Variants in PRUNE2 observed in about 807,000 individuals in gnomAD.
PRUNE2 encodes the protein prune homolog 2 with BCH domain, also known as protein prune homolog 2.
In PRUNE2, 164 loss-of-function variants were observed where a neutral mutation model predicts 252.0. The observed-to-expected ratio is 0.65, with a 90% CI of 0.57 to 0.74. The LOEUF (loss-of-function observed/expected upper bound fraction) is 0.74, where lower values mean the gene tolerates loss of function less well. PRUNE2 is among the 30% of genes least tolerant of loss of function. PRUNE2 has a pLI of 0.00. For synonymous variants in PRUNE2, 1,292 were observed against 1,350.2 expected (o/e 0.96, Z 0.94); for missense variants, 3,495 against 3,711.0 (o/e 0.94, Z 1.51).
intron 6 of PRUNE2, among the ~76,000 whole-genome samples, chr9:76,730,875 C>G (rs2048502604): frequency 6.6e-6 from 1 of 152,162 alleles, no homozygotes; most frequent in Non-Finnish European, 1.5e-5. Context: ...TGCACTCCAG[C>G]CTGGCGACAG....
intron 1 of PRUNE2, among the ~76,000 whole-genome samples, chr9:76,871,726 TC>T (rs1309423912): frequency 6.6e-6 from 1 of 152,196 alleles, no homozygotes; most frequent in Non-Finnish European, 1.5e-5. Context: ...CCTCCTGGTT[TC>T]AAGTGATTCT....
chr9:76,841,158 A>G (rs993934245), intron 4 of PRUNE2, among the ~76,000 whole-genome samples: 7 of 152,244 alleles, frequency 4.6e-5, no homozygotes, highest in Admixed American at 2.0e-4. Context: ...CAGCCCAGCC[A>G]TGGAGGGTGA....
intron 9 of PRUNE2, among the ~76,000 whole-genome samples, chr9:76,669,388 C>T (rs538821419): frequency 6.6e-6 from 1 of 151,902 alleles, no homozygotes; most frequent in Non-Finnish European, 1.5e-5. Flanking sequence ...GGCGTGATCT[C>T]GGCTCACTGC....
At chr9:76,617,956 C>T (rs557682504) in intron 18 of PRUNE2, among the ~76,000 whole-genome samples, 48 of 152,266 alleles carry the variant, frequency 3.2e-4, no homozygotes, top group African/African-American at 1.0e-3. Context: ...AAAGAATTAT[C>T]GTGCACTGGG....
intron 9 of PRUNE2, 83 bp downstream of exon 9, chr9:76,703,254 A>G (rs1205690248): frequency 7.8e-7 from 1 of 1,278,348 alleles, no homozygotes; most frequent in African/African-American, 1.5e-5. Context: ...GGTATTCCTC[A>G]TATTCCATAA....
intron 9 of PRUNE2, among the ~76,000 whole-genome samples, chr9:76,686,915 T>C (rs558531720): frequency 5.9e-5 from 9 of 152,098 alleles, no homozygotes; most frequent in Non-Finnish European, 7.4e-5. Flanking sequence ...TTTTTGAAAA[T>C]TTTTTCATAG....
At chr9:76,621,002 G>A (rs561195313) in intron 17 of PRUNE2, among the ~76,000 whole-genome samples, 1 of 152,280 alleles carries the variant, frequency 6.6e-6, no homozygotes, top group East Asian at 1.9e-4. Context: ...GAAAAGATAA[G>A]GCAGGCTGAG....
intron 6 of PRUNE2, among the ~76,000 whole-genome samples, chr9:76,781,850 G>A (rs907119405): frequency 3.9e-5 from 6 of 152,168 alleles, no homozygotes; most frequent in Admixed American, 6.5e-5. Flanking sequence ...TAACCAACGT[G>A]TACAGCAAAA....
intron 6 of PRUNE2, chr9:76,736,421 G>A (rs1255027361): frequency 6.6e-6 from 1 of 152,238 alleles, no homozygotes; most frequent in Non-Finnish European, 1.5e-5. Context: ...TAAGAATGGT[G>A]TGTTAGTCCA....
intron 9 of PRUNE2, among the ~76,000 whole-genome samples, chr9:76,702,794 T>C (rs903144382): frequency 2.0e-5 from 3 of 152,172 alleles, no homozygotes; most frequent in Non-Finnish European, 4.4e-5. Context: ...AAAATGCCTC[T>C]GTATGCTAAG....
At chr9:76,783,952 T>C (rs556132324) in intron 6 of PRUNE2, 4 of 152,336 alleles carry the variant, frequency 2.6e-5, no homozygotes, top group African/African-American at 9.6e-5. Flanking sequence ...GTTCCTCTAC[T>C]CGTTTCTATC....
chr9:76,643,623 C>T (rs559325826), intron 12 of PRUNE2, among the ~76,000 whole-genome samples: 5 of 152,164 alleles, frequency 3.3e-5, no homozygotes, highest in Admixed American at 6.5e-5. Context: ...CAGCTCTCAG[C>T]GGGGCATATT....
intron 4 of PRUNE2, among the ~76,000 whole-genome samples, chr9:76,843,885 C>T (rs2059533913): frequency 6.6e-6 from 1 of 151,934 alleles, no homozygotes; most frequent in African/African-American, 2.4e-5. Context: ...TCCGCCACCA[C>T]ACCGGCTAAT....
Position 76,611,426 on chromosome 9 carries a change from A to G in PRUNE2, c.*3144T>C, listed in dbSNP as rs1827414301. The G allele has an allele frequency of 6.6e-6, 1 of 152,240 alleles. No individual in the cohort carries two copies. Among genetic ancestry groups the G allele is most frequent in the Non-Finnish European group, 1.5e-5 (1 of 68,044 alleles). 9.4% of individuals were successfully genotyped at this position (152,240 alleles called of 1,614,324 possible). A position where few individuals can be genotyped will look rare whatever the true frequency, so the allele number is the denominator to read the frequency against. ...TTATACAGTGAGGCTATATAGATATATTGTGTCATTAAAGACTTTTATATT... is the reference window on the plus strand; with the variant it reads ...TTATACAGTGAGGCTATATAGATATGTTGTGTCATTAAAGACTTTTATATT... On this transcript the variant is annotated 3_prime_UTR_variant, in exon 19 of 19. Coordinates refer to ENST00000376718, the MANE Select transcript of PRUNE2 (RefSeq NM_015225.3).
chr9:76,884,426 T>A (rs1338380289), intron 1 of PRUNE2, among the ~76,000 whole-genome samples: 1 of 152,214 alleles, frequency 6.6e-6, no homozygotes, highest in African/African-American at 2.4e-5. Context: ...ACCCCAAATA[T>A]GGATTGTATA....
chr9:76,854,199 T>G lies in PRUNE2; in HGVS notation c.46A>C (p.Lys16Gln). Residue 16 changes from lysine (K) to glutamine (Q), a missense_variant, in exon 2 of 19, where the codon AAA becomes CAA. Coordinates refer to ENST00000376718, the MANE Select transcript of PRUNE2 (RefSeq NM_015225.3). ...QRAKSKLNRS[K>Q]RLEKVHVVIG... ...ACCACATGGACCTTCTCCAAGCGTT[T>G]GCTTCGATTCTGAAACAAATTCAAA... is the stretch of plus-strand genomic sequence containing the variant. 6.3e-7 allele frequency: 1 copy of G among 1,585,146 alleles called. No individual in the cohort carries two copies. The highest frequency in any genetic ancestry group is 2.3e-5 in the East Asian group (1 of 44,410).
intron 1 of PRUNE2, among the ~76,000 whole-genome samples, chr9:76,868,167 A>G (rs954705099): frequency 6.6e-6 from 1 of 152,206 alleles, no homozygotes. Context: ...AAAAAACCTC[A>G]TATGACTCAG....
chr9:76,694,835 C>T (rs749818380), intron 9 of PRUNE2, among the ~76,000 whole-genome samples: 8 of 151,684 alleles, frequency 5.3e-5, no homozygotes, highest in Non-Finnish European at 8.8e-5. Flanking sequence ...AAAAAGGGCA[C>T]GTAGATGTCA....
chr9:76,770,603 T>C (rs917482893), intron 6 of PRUNE2, among the ~76,000 whole-genome samples: 2 of 152,178 alleles, frequency 1.3e-5, no homozygotes, highest in Non-Finnish European at 2.9e-5. Context: ...CAAATGAAAC[T>C]AACATTTCAA....
Sources: gnomAD v4.1 joint callset for allele counts (sites outside exome capture counted in the v4.1 genomes callset) on GRCh38, gnomAD v4.1.1 for gene constraint, MANE v1.5 for transcripts, NCBI Gene and HGNC (gene_info 2026-07-23, HGNC 2026-07-21) for gene names.